The following NAALADL2 variants were observed in gnomAD, a reference collection of about 807,000 sequenced individuals.
The protein encoded by NAALADL2 is N-acetylated alpha-linked acidic dipeptidase like 2.
In NAALADL2, 76 loss-of-function variants were observed where a neutral mutation model predicts 87.2. The observed-to-expected ratio is 0.87, with a 90% CI of 0.72 to 1.05. NAALADL2 has a LOEUF of 1.05. NAALADL2 is among the 50% of genes least tolerant of loss of function. The pLI is 0.00. For missense variants in NAALADL2, 1,089 were observed against 945.8 expected (o/e 1.15, Z -1.99); for synonymous variants, 354 against 331.0 (o/e 1.07, Z -0.75).
intron 11 of NAALADL2, among the ~76,000 whole-genome samples, chr3:175,721,892 A>G (rs1352867650): frequency 6.6e-6 from 1 of 152,068 alleles, no homozygotes. Flanking sequence ...TTTTTAATGC[A>G]TTATAATAAA....
chr3:175,768,582 G>T (rs909958704), intron 13 of NAALADL2, among the ~76,000 whole-genome samples: 1 of 152,170 alleles, frequency 6.6e-6, no homozygotes, highest in African/African-American at 2.4e-5. Flanking sequence ...AACAAAAGTG[G>T]CTCGCGCCTG....
intron 2 of NAALADL2, among the ~76,000 whole-genome samples, chr3:174,623,757 C>A (rs944459214): frequency 6.6e-6 from 1 of 152,056 alleles, no homozygotes; most frequent in Non-Finnish European, 1.5e-5. Context: ...GTATAGTCAA[C>A]TTCTTGAATA....
intron 2 of NAALADL2, among the ~76,000 whole-genome samples, chr3:174,637,074 A>C (rs905563503): frequency 2.0e-5 from 3 of 152,166 alleles, no homozygotes; most frequent in Non-Finnish European, 4.4e-5. Context: ...AAGGCACAGA[A>C]ACATAAGTAT....
chr3:175,172,606 C>A (rs775804945), intron 2 of NAALADL2, among the ~76,000 whole-genome samples: 6 of 152,082 alleles, frequency 3.9e-5, no homozygotes, highest in Non-Finnish European at 7.4e-5. Context: ...TATCCTCACT[C>A]TTGCAAGAAA....
chr3:174,811,577 C>G (rs902117178), intron 3 of NAALADL2, among the ~76,000 whole-genome samples: 2 of 152,182 alleles, frequency 1.3e-5, no homozygotes, highest in Non-Finnish European at 2.9e-5. Context: ...CCTGTTGTAT[C>G]TTAGGAGTAA....
chr3:175,633,137 G>A (rs1728034701), intron 11 of NAALADL2, among the ~76,000 whole-genome samples: 1 of 151,996 alleles, frequency 6.6e-6, no homozygotes. Context: ...AGGAGAAAAT[G>A]TTCAAAAGAG....
intron 1 of NAALADL2, among the ~76,000 whole-genome samples, chr3:174,970,729 A>C (rs1743509181): frequency 6.6e-6 from 1 of 152,164 alleles, no homozygotes; most frequent in Admixed American, 6.5e-5. Context: ...AGATTGGTTA[A>C]TGAGCATACT....
chr3:175,518,905 A>T (rs79087722), intron 9 of NAALADL2, among the ~76,000 whole-genome samples: 10,025 of 152,302 alleles, frequency 0.066, 377 homozygotes, highest in African/African-American at 0.091. Flanking sequence ...TAATATGTAT[A>T]CATAGGAGCC....
intron 1 of NAALADL2, among the ~76,000 whole-genome samples, chr3:174,960,593 C>T (rs890569034): frequency 6.6e-6 from 1 of 151,978 alleles, no homozygotes; most frequent in African/African-American, 2.4e-5. Context: ...CTCTGCTTTA[C>T]CCCTTCATCT....
chr3:175,201,372 A>G (rs1374997043), intron 2 of NAALADL2, among the ~76,000 whole-genome samples: 1 of 152,202 alleles, frequency 6.6e-6, no homozygotes, highest in Non-Finnish European at 1.5e-5. Flanking sequence ...TAGCTAAAAT[A>G]TGTTCCAACT....
intron 2 of NAALADL2, among the ~76,000 whole-genome samples, chr3:174,599,065 T>C (rs1718196566): frequency 6.6e-6 from 1 of 152,164 alleles, no homozygotes. Flanking sequence ...GACTTTTTGC[T>C]TAGATGCCTT....
chr3:174,912,950 G>A (rs1733894093), intron 1 of NAALADL2, among the ~76,000 whole-genome samples: 3 of 152,064 alleles, frequency 2.0e-5, no homozygotes, highest in Admixed American at 6.6e-5. Flanking sequence ...TACATTAAAA[G>A]ACATTGATGA....
chr3:174,529,206 G>T (rs776535242), intron 1 of NAALADL2, among the ~76,000 whole-genome samples: 1 of 152,134 alleles, frequency 6.6e-6, no homozygotes, highest in Non-Finnish European at 1.5e-5. Flanking sequence ...AAAACAGAGG[G>T]GCTACAGGCC....
chr3:175,371,572 C>T (rs1313446143), intron 5 of NAALADL2, among the ~76,000 whole-genome samples: 1 of 152,068 alleles, frequency 6.6e-6, no homozygotes, highest in Admixed American at 6.6e-5. Context: ...TGCTTGTAAT[C>T]CCAGCTCTTT....
At chr3:175,285,561 A>G (rs1754878320) in intron 4 of NAALADL2, among the ~76,000 whole-genome samples, 1 of 152,166 alleles carries the variant, frequency 6.6e-6, no homozygotes, top group Non-Finnish European at 1.5e-5. Flanking sequence ...TAGTTTGTTG[A>G]TAGGAAATTA....
In NAALADL2 at chr3:174,508,117, T is replaced by TTTTTTTTTTTG. The variant is rs1465875532; in HGVS notation, c.-183-42442_-183-42441insGTTTTTTTTTT. On this transcript the variant is annotated intron_variant, in intron 1 of 3. Transcript: ENST00000434257. Reference sequence around the variant, plus strand: ...TTTAGCTATTGGATATCTAGTGGTTTTTTTTTTTTTTTTTGAGACGAAGTC... The same window carrying TTTTTTTTTTTG: ...TTTAGCTATTGGATATCTAGTGGTTTTTTTTTTTTTGTTTTTTTTTTTTTTGAGACGAAGTC... Among the ~76,000 whole-genome samples the TTTTTTTTTTTG allele has an allele frequency of 2.8e-5, 4 of 140,778 alleles. 1 individual carries two copies. The highest frequency in any genetic ancestry group is 1.1e-4 in the African/African-American group (4 of 37,938). 92.4% of individuals were successfully genotyped at this position (140,778 alleles called of 152,430 possible). A position where few individuals can be genotyped will look rare whatever the true frequency, so the allele number is the denominator to read the frequency against.
chr3:175,452,349 A>G (rs1162472378), intron 6 of NAALADL2, among the ~76,000 whole-genome samples: 1 of 152,130 alleles, frequency 6.6e-6, no homozygotes, highest in Non-Finnish European at 1.5e-5. Context: ...TTAAGTTCCA[A>G]CATAACAAAT....
intron 11 of NAALADL2, among the ~76,000 whole-genome samples, chr3:175,730,425 T>C (rs1280449333): frequency 7.1e-5 from 7 of 98,268 alleles, no homozygotes; most frequent in Non-Finnish European, 1.6e-4. Context: ...TATATATATA[T>C]ATATATATAT....
intron 5 of NAALADL2, among the ~76,000 whole-genome samples, chr3:175,446,431 G>A (rs949029860): frequency 2.6e-5 from 4 of 152,062 alleles, no homozygotes; most frequent in Non-Finnish European, 5.9e-5. Flanking sequence ...TATTATGCAC[G>A]GGGTTTCACC....
Sources: gnomAD v4.1 joint callset for allele counts (sites outside exome capture counted in the v4.1 genomes callset) on GRCh38, gnomAD v4.1.1 for gene constraint, MANE v1.5 for transcripts, NCBI Gene and HGNC (gene_info 2026-07-23, HGNC 2026-07-21) for gene names.